The following DIP2C variants were observed in gnomAD, a reference collection of about 807,000 sequenced individuals.
DIP2C encodes the protein disco-interacting protein 2 homolog C.
In DIP2C, 33 loss-of-function variants were observed where a neutral mutation model predicts 192.4. The ratio of observed to expected loss-of-function variants is 0.17; its 90% CI spans 0.13 to 0.23. The LOEUF (loss-of-function observed/expected upper bound fraction) is 0.23. Ranked by LOEUF, DIP2C falls within the 10% of genes least tolerant of loss-of-function variation. DIP2C has a pLI of 1.00. For missense variants in DIP2C, 1,537 were observed against 2,110.1 expected, an observed-to-expected ratio of 0.73 and a Z score of 5.32; for synonymous variants, 979 against 864.1, an observed-to-expected ratio of 1.13 and a Z score of -2.33.
At chr10:497,176 G>GT (rs1270875237) in intron 1 of DIP2C, among the ~76,000 whole-genome samples, 1 of 152,154 alleles carries the variant, frequency 6.6e-6, no homozygotes, top group East Asian at 1.9e-4. Flanking sequence ...CCCAAACAAC[G>GT]TGAGTGCTAT....
chr10:486,851 C>T (rs187099181), intron 1 of DIP2C, among the ~76,000 whole-genome samples: 46 of 152,314 alleles, frequency 3.0e-4, no homozygotes, highest in Middle Eastern at 6.8e-3. Flanking sequence ...GCCTGGTGGC[C>T]GGGGCTCTCG....
chr10:342,315 C>T (rs976920102), intron 28 of DIP2C, among the ~76,000 whole-genome samples: 1 of 152,174 alleles, frequency 6.6e-6, no homozygotes, highest in African/African-American at 2.4e-5. Context: ...CCCGCCACCA[C>T]GCCCGGCTAA....
intron 1 of DIP2C, chr10:629,818 A>C (rs369052500): frequency 3.9e-5 from 6 of 152,332 alleles, no homozygotes; most frequent in African/African-American, 1.4e-4. Flanking sequence ...CACTCAGCCG[A>C]GAATGTGGTG....
At chr10:665,825 C>G (rs1857055815) in intron 1 of DIP2C, 1 of 152,072 alleles carries the variant, frequency 6.6e-6, no homozygotes, top group South Asian at 2.1e-4. Context: ...AAAACAAGAG[C>G]CAGGCTTATC....
chr10:413,387 T>C (rs988046394), intron 8 of DIP2C, among the ~76,000 whole-genome samples: 3 of 152,224 alleles, frequency 2.0e-5, no homozygotes, highest in East Asian at 1.9e-4. Context: ...AAAGTTTAGA[T>C]AGACATTTTT....
chr10:463,186 A>G (rs1969932699), intron 3 of DIP2C, among the ~76,000 whole-genome samples: 1 of 152,244 alleles, frequency 6.6e-6, no homozygotes, highest in African/African-American at 2.4e-5. Flanking sequence ...AGGGTATTCA[A>G]ATAGGAAGAG....
In DIP2C at chr10:417,783, C is replaced by T. The variant is rs868554266; in HGVS notation, c.739+1282G>A. ...CCCTGTCCACCTGCACCTGTCAGGG[C>T]TCGGATAGGCCTCCCTGTCCACCTG... On this transcript the variant is annotated intron_variant, in intron 6 of 36. Transcript: ENST00000280886. 2.4e-4 allele frequency among the ~76,000 whole-genome samples: 28 copies of T among 115,812 alleles called. 5 individuals are homozygous for T. Among genetic ancestry groups the T allele is most frequent in the African/African-American group, 7.7e-4 (19 of 24,780 alleles). 76.0% of individuals were successfully genotyped at this position (115,812 alleles called of 152,430 possible). A position where few individuals can be genotyped will look rare whatever the true frequency, so the allele number is the denominator to read the frequency against.
chr10:480,091 T>C (rs1397927197), intron 2 of DIP2C, among the ~76,000 whole-genome samples: 6 of 128,980 alleles, frequency 4.7e-5, no homozygotes, highest in African/African-American at 1.5e-4. Flanking sequence ...CAGCCTGAGC[T>C]CCGGTCCACG....
intron 1 of DIP2C, among the ~76,000 whole-genome samples, chr10:577,866 C>G (rs1462181167): frequency 6.6e-6 from 1 of 151,088 alleles, no homozygotes; most frequent in Non-Finnish European, 1.5e-5. Context: ...ACTTAAGAAC[C>G]TTTTGGAAAG....
intron 9 of DIP2C, among the ~76,000 whole-genome samples, chr10:404,512 T>C (rs1964668376): frequency 6.6e-6 from 1 of 152,204 alleles, no homozygotes; most frequent in Non-Finnish European, 1.5e-5. Context: ...CCAGGCCTCA[T>C]TCTTGAAGTT....
chr10:642,861 G>A (rs367605276), intron 1 of DIP2C, among the ~76,000 whole-genome samples: 6 of 152,256 alleles, frequency 3.9e-5, no homozygotes, highest in African/African-American at 1.4e-4. Flanking sequence ...CATATCCACT[G>A]AGTGGTCCTC....
chr10:484,154 G>A (rs997606503), intron 2 of DIP2C, among the ~76,000 whole-genome samples: 1 of 152,116 alleles, frequency 6.6e-6, no homozygotes, highest in African/African-American at 2.4e-5. Context: ...CCCTGAACAC[G>A]AACCTAAAAC....
intron 3 of DIP2C, among the ~76,000 whole-genome samples, chr10:452,317 G>A (rs758533209): frequency 6.6e-6 from 1 of 152,122 alleles, no homozygotes; most frequent in Non-Finnish European, 1.5e-5. Context: ...TAATGATAAC[G>A]GGATAGCGCT....
intron 1 of DIP2C, among the ~76,000 whole-genome samples, chr10:585,620 C>A (rs938204313): frequency 6.6e-6 from 1 of 152,110 alleles, no homozygotes; most frequent in Non-Finnish European, 1.5e-5. Flanking sequence ...TGGCTGAGCC[C>A]AAATCCCCTA....
chr10:431,553 C>T (rs1437289391), intron 4 of DIP2C, among the ~76,000 whole-genome samples: 1 of 152,172 alleles, frequency 6.6e-6, no homozygotes, highest in Non-Finnish European at 1.5e-5. Context: ...TCCCAAATTG[C>T]TGGAATTATG....
chr10:475,461 C>T (rs1344724717), intron 2 of DIP2C, among the ~76,000 whole-genome samples: 3 of 152,202 alleles, frequency 2.0e-5, no homozygotes, highest in Non-Finnish European at 4.4e-5. Flanking sequence ...TCCACTCAAA[C>T]AGGCTTCCTG....
At chr10:514,844 T>TG (rs1421078775) in intron 1 of DIP2C, among the ~76,000 whole-genome samples, 2 of 152,166 alleles carry the variant, frequency 1.3e-5, no homozygotes, top group Non-Finnish European at 2.9e-5. Flanking sequence ...TTCCTGTGCT[T>TG]GGAGGATTTA....
intron 3 of DIP2C, among the ~76,000 whole-genome samples, chr10:443,066 G>C (rs1967877394): frequency 6.6e-6 from 1 of 152,180 alleles, no homozygotes; most frequent in Non-Finnish European, 1.5e-5. Flanking sequence ...GCAGAAGTCT[G>C]TCCTGTGTGG....
At chr10:477,869 G>C (rs1192175885) in intron 2 of DIP2C, among the ~76,000 whole-genome samples, 2 of 129,318 alleles carry the variant, frequency 1.5e-5, no homozygotes, top group East Asian at 2.3e-4. Context: ...AGGAAGCAGA[G>C]AGAAGAAAAC....
Sources: allele counts gnomAD v4.1 joint callset (sites outside exome capture counted in the v4.1 genomes callset), GRCh38; gene constraint gnomAD v4.1.1; transcripts MANE v1.5; gene names NCBI Gene and HGNC (gene_info 2026-07-23, HGNC 2026-07-21).